The following SORCS2 variants were observed in gnomAD, a reference collection of about 807,000 sequenced individuals.
SORCS2 encodes sortilin related VPS10 domain containing receptor 2.
Under a neutral mutation model 141.6 loss-of-function variants are expected in SORCS2, and 100 were observed. That is an observed-to-expected ratio of 0.71 (90% confidence interval 0.60 to 0.83). The LOEUF (loss-of-function observed/expected upper bound fraction) is 0.83, where lower values mean the gene tolerates loss of function less well. Ranked by LOEUF, SORCS2 falls within the 40% of genes least tolerant of loss-of-function variation. SORCS2 has a pLI of 0.00. For synonymous variants in SORCS2, 789 were observed against 676.9 expected, an observed-to-expected ratio of 1.17 and a Z score of -2.57; for missense variants, 1,646 against 1,560.2, an observed-to-expected ratio of 1.05 and a Z score of -0.93.
At chr4:7,634,876 A>C (rs192890124) in intron 3 of SORCS2, among the ~76,000 whole-genome samples, 2 of 152,118 alleles carry the variant, frequency 1.3e-5, no homozygotes, top group Non-Finnish European at 2.9e-5. Context: ...CCACAACCCC[A>C]TCCGATGCCC....
chr4:7,682,921 C>T, intron 10 of SORCS2, 32 bp downstream of exon 10: 1 of 1,602,948 alleles, frequency 6.2e-7, no homozygotes, highest in Non-Finnish European at 8.5e-7. Context: ...ACACACCATC[C>T]TTGGCGTGGA....
At chr4:7,706,025 CTGTCTGGG>C (rs1725411671) in intron 14 of SORCS2, among the ~76,000 whole-genome samples, 1 of 142,864 alleles carries the variant, frequency 7.0e-6, no homozygotes, top group Non-Finnish European at 1.6e-5. Flanking sequence ...AGGCTGGGCT[CTGTCTGGG>C]CAGGGATGAG....
chr4:7,474,521 T>C (rs1244435996), intron 2 of SORCS2, among the ~76,000 whole-genome samples: 1 of 152,142 alleles, frequency 6.6e-6, no homozygotes, highest in Non-Finnish European at 1.5e-5. Context: ...CAGGAGGGCA[T>C]GGGCCAGCAG....
At position 7,192,614 on chromosome 4, in the gene SORCS2, C is replaced by G. The variant is rs917592655; in HGVS notation, c.-33C>G. On this transcript the variant is annotated 5_prime_UTR_variant, in exon 1 of 27. Transcript: ENST00000507866. The surrounding 1 kb of genome is among the most constrained non-coding windows in gnomAD (Gnocchi z 4.0). ...CCGCGGTCCCCTCGTCCGCGCCGCC[C>G]CGCCGCCGGCTCCGCTGCCGCCCCT... 5.1e-6 allele frequency: 5 copies of G among 987,290 alleles called. No individual in the cohort carries two copies. Among genetic ancestry groups the G allele is most frequent in the Non-Finnish European group, 4.8e-6 (4 of 832,044 alleles). 61.2% of individuals were successfully genotyped at this position (987,290 alleles called of 1,614,324 possible).
Position 7,387,929 on chromosome 4 carries a change from C to T in SORCS2, c.481-8359C>T, listed in dbSNP as rs572901614. Among the ~76,000 whole-genome samples, 29 of 145,260 alleles carry T rather than the reference C, an allele frequency of 2.0e-4. No individual in the cohort carries two copies. In the South Asian group the frequency reaches 5.6e-3, roughly 28 times the overall value. Reference sequence around the variant, plus strand: ...ATACACACATGCACACACCCACATGCACACACCGATACACATACACACATG... The same window carrying T: ...ATACACACATGCACACACCCACATGTACACACCGATACACATACACACATG... On this transcript the variant is annotated intron_variant, in intron 1 of 26. Transcript: ENST00000507866.
At chr4:7,556,965 A>C (rs1047040525) in intron 3 of SORCS2, among the ~76,000 whole-genome samples, 1 of 136,216 alleles carries the variant, frequency 7.3e-6, no homozygotes, top group East Asian at 2.2e-4. Flanking sequence ...ATATCCATTC[A>C]TCCAACCACC....
chr4:7,325,739 C>T (rs1257405318), intron 1 of SORCS2, among the ~76,000 whole-genome samples: 1 of 152,168 alleles, frequency 6.6e-6, no homozygotes, highest in Non-Finnish European at 1.5e-5. Flanking sequence ...TATGAAATTT[C>T]CCTGCAGCCT....
intron 1 of SORCS2, among the ~76,000 whole-genome samples, chr4:7,197,031 G>T (rs942421084): frequency 6.6e-6 from 1 of 152,204 alleles, no homozygotes; most frequent in Non-Finnish European, 1.5e-5. Context: ...TGTGGCTGAA[G>T]CAACAGAAAT....
intron 5 of SORCS2, among the ~76,000 whole-genome samples, chr4:7,660,053 T>C (rs1158071): frequency 0.1 from 15,193 of 152,190 alleles, 1,441 homozygotes; most frequent in African/African-American, 0.25. Context: ...AAGATAAGTA[T>C]GATAAGGCAA....
At chr4:7,312,359 T>A (rs958453702) in intron 1 of SORCS2, among the ~76,000 whole-genome samples, 3 of 152,216 alleles carry the variant, frequency 2.0e-5, no homozygotes, top group African/African-American at 7.2e-5. Context: ...GGTCTATTGA[T>A]CTTGTCCTGG....
At chr4:7,701,610 G>T (rs758306381) in intron 12 of SORCS2, among the ~76,000 whole-genome samples, 5 of 152,202 alleles carry the variant, frequency 3.3e-5, no homozygotes, top group Non-Finnish European at 7.4e-5. Flanking sequence ...TTCTGGTGGG[G>T]TTGAGGAGCA....
intron 3 of SORCS2, among the ~76,000 whole-genome samples, chr4:7,589,560 G>A (rs763824331): frequency 2.6e-5 from 4 of 152,072 alleles, no homozygotes; most frequent in African/African-American, 4.8e-5. Context: ...CTGCCACCAT[G>A]CCCGGCTAAC....
chr4:7,699,028 G>A (rs1476183966), intron 12 of SORCS2, among the ~76,000 whole-genome samples: 2 of 152,210 alleles, frequency 1.3e-5, no homozygotes, highest in African/African-American at 2.4e-5. Context: ...CTCAGAATAC[G>A]AATGTGGAAT....
intron 3 of SORCS2, among the ~76,000 whole-genome samples, chr4:7,616,880 G>A (rs57121279): frequency 0.039 from 5,963 of 152,302 alleles, 239 homozygotes; most frequent in East Asian, 0.18. Flanking sequence ...AGAACTCTGC[G>A]ATGGTGCAGA....
At chr4:7,731,828 G>A (rs528139310) in intron 23 of SORCS2, among the ~76,000 whole-genome samples, 18 of 152,278 alleles carry the variant, frequency 1.2e-4, no homozygotes, top group East Asian at 9.6e-4. Flanking sequence ...AAAGACAAAC[G>A]TAAGACCTGA....
chr4:7,718,203 C>A lies in SORCS2; in HGVS notation c.2424+20C>A. 6.2e-7 allele frequency: 1 copy of A among 1,604,214 alleles called. No individual in the cohort carries two copies. The highest frequency in any genetic ancestry group is 1.3e-5 in the African/African-American group (1 of 74,702). On this transcript the variant is annotated intron_variant, in intron 18 of 26. Transcript: ENST00000507866. ...GAGCAGGTGAGTGAGCACCTCCCAG[C>A]AGGCTCCTGGGACTGTCGGGCAGGG... is the stretch of plus-strand genomic sequence containing the variant.
intron 2 of SORCS2, among the ~76,000 whole-genome samples, chr4:7,515,913 A>G: frequency 6.6e-6 from 1 of 152,088 alleles, no homozygotes; most frequent in African/African-American, 2.4e-5. Context: ...AAGTGACTCC[A>G]CTTCTCTGGG....
chr4:7,495,750 T>G (rs1731576446), intron 2 of SORCS2, among the ~76,000 whole-genome samples: 1 of 152,174 alleles, frequency 6.6e-6, no homozygotes, highest in East Asian at 1.9e-4. Flanking sequence ...CCTAGGCTCT[T>G]GAACAATGCA....
rs1048695180 is a variant in SORCS2 at position 7,671,332 on chromosome 4, G to A, written c.1161+4119G>A. ...CATACAAAGAAACAGGAAAGTATGA[G>A]CATTCAAAAGAAAAAAAAAATAAAT... On this transcript the variant is annotated intron_variant, in intron 8 of 26. Transcript: ENST00000507866. 2.2e-4 allele frequency among the ~76,000 whole-genome samples: 32 copies of A among 142,770 alleles called. 1 individual carries two copies. Among genetic ancestry groups the A allele is most frequent in the Admixed American group, 1.6e-3 (24 of 14,728 alleles). 93.7% of individuals were successfully genotyped at this position (142,770 alleles called of 152,430 possible).
Sources: allele counts gnomAD v4.1 joint callset (sites outside exome capture counted in the v4.1 genomes callset), GRCh38; gene constraint gnomAD v4.1.1; non-coding constraint Gnocchi (gnomAD v3.1); transcripts MANE v1.5; gene names NCBI Gene and HGNC (gene_info 2026-07-23, HGNC 2026-07-21).